Variants in FLNB observed in about 807,000 individuals in gnomAD.
FLNB encodes the protein filamin B.
FLNB carries 111 observed loss-of-function variants against 250.6 expected under a neutral mutation model. The observed-to-expected ratio is 0.44, with a 90% CI of 0.38 to 0.52. The LOEUF (loss-of-function observed/expected upper bound fraction) is 0.52. FLNB is among the 20% of genes least tolerant of loss of function. The pLI is 0.00. For synonymous variants in FLNB, 1,302 were observed against 1,372.1 expected (o/e 0.95, Z 1.13); for missense variants, 2,869 against 3,447.8 (o/e 0.83, Z 4.20).
intron 18 of FLNB, among the ~76,000 whole-genome samples, chr3:58,118,242 T>C (rs2097282389): frequency 6.6e-6 from 1 of 152,248 alleles, no homozygotes; most frequent in East Asian, 1.9e-4. Flanking sequence ...CACATGGAAA[T>C]GGAAGTTCAG....
chr3:58,078,234 C>T lies in FLNB; in HGVS notation c.542-483C>T, dbSNP rs839256. 2.0e-3 allele frequency: 2,649 copies of T among 1,336,614 alleles called. 55 individuals are homozygous for T. The African/African-American group carries it at 0.035, about 18-fold the overall frequency. 82.8% of individuals were successfully genotyped at this position (1,336,614 alleles called of 1,614,324 possible). A position where few individuals can be genotyped will look rare whatever the true frequency, so the allele number is the denominator to read the frequency against. On this transcript the variant is annotated intron_variant, in intron 2 of 45. Coordinates refer to ENST00000295956, the MANE Select transcript of FLNB (RefSeq NM_001457.4). The stretch of plus-strand genomic sequence containing the variant: ...GGACACATTTTAGGATACCTCTTTC[C>T]AATTTAAACCTGGGAGTTTTTACTC...
At position 58,121,482 on chromosome 3, in the gene FLNB, G is replaced by A. The variant is rs541935783; in HGVS notation, c.3105G>A (p.Ser1035=). 88 of 1,613,784 alleles carry A rather than the reference G, an allele frequency of 5.5e-5. No homozygotes were observed. The South Asian group carries it at 7.5e-4, about 14-fold the overall frequency. ...VPGSPYTVEA[S]LPPDPSKVKA... ...GGAGCCCCTACACAGTGGAGGCCTC[G>A]CTGCCACCAGATCCCAGCAAGGTCA... Residue 1035 remains serine (S), a synonymous_variant, in exon 20 of 46, where the codon TCG becomes TCA. Coordinates refer to ENST00000295956, the MANE Select transcript of FLNB (RefSeq NM_001457.4).
At chr3:58,092,128 C>CA (rs1010154527) in intron 4 of FLNB, among the ~76,000 whole-genome samples, 6 of 151,928 alleles carry the variant, frequency 3.9e-5, no homozygotes, top group South Asian at 2.1e-4. Flanking sequence ...GTCCATATGA[C>CA]AAAAAAACAC....
intron 1 of FLNB, among the ~76,000 whole-genome samples, chr3:58,018,439 A>T (rs571695676): frequency 1.4e-5 from 2 of 140,632 alleles, no homozygotes; most frequent in African/African-American, 5.4e-5. Flanking sequence ...GGTTCAAGTG[A>T]TTCTCATGCC....
At chr3:58,063,018 G>A (rs1474387458) in intron 1 of FLNB, among the ~76,000 whole-genome samples, 3 of 152,172 alleles carry the variant, frequency 2.0e-5, no homozygotes, top group Admixed American at 1.3e-4. Context: ...TCGTATCACC[G>A]CAGCCTGATG....
intron 1 of FLNB, among the ~76,000 whole-genome samples, chr3:58,009,839 G>A (rs941759985): frequency 1.3e-5 from 2 of 152,094 alleles, no homozygotes; most frequent in Admixed American, 6.6e-5. Context: ...TGCTGGACTG[G>A]GCCTTCTGGT....
rs140805461 is a variant in FLNB at position 58,014,511 on chromosome 3, G to A, written c.292+5655G>A. Among the ~76,000 whole-genome samples the A allele has an allele frequency of 9.7e-3, 1,483 of 152,330 alleles. 20 individuals are homozygous for A. Among genetic ancestry groups the A allele is most frequent in the African/African-American group, 0.032 (1,334 of 41,560 alleles). On this transcript the variant is annotated intron_variant, in intron 1 of 45. Coordinates refer to ENST00000295956, the MANE Select transcript of FLNB (RefSeq NM_001457.4). ...AGCATGCCAGTCGGCAGCCGCCTTCGTTCTTGGAGAGTCTGAGCTAAAGGA... is the reference window on the plus strand; with the variant it reads ...AGCATGCCAGTCGGCAGCCGCCTTCATTCTTGGAGAGTCTGAGCTAAAGGA...
chr3:58,134,531 C>T, intron 26 of FLNB, 85 bp from the exon 27 acceptor site: 8 of 1,499,196 alleles, frequency 5.3e-6, no homozygotes, highest in South Asian at 3.4e-5. Context: ...TTTTCCATCC[C>T]ACTCTTATGT....
intron 1 of FLNB, among the ~76,000 whole-genome samples, chr3:58,013,372 C>T (rs2097101654): frequency 1.3e-5 from 2 of 152,228 alleles, no homozygotes; most frequent in Non-Finnish European, 2.9e-5. Flanking sequence ...AGGCAGCTTC[C>T]AGGGTGGTGG....
intron 4 of FLNB, among the ~76,000 whole-genome samples, chr3:58,091,505 C>T (rs1320072280): frequency 6.6e-6 from 1 of 151,636 alleles, no homozygotes; most frequent in Non-Finnish European, 1.5e-5. Context: ...AAAAGCAAAC[C>T]CCAAACCAAA....
At chr3:58,159,486 A>G in intron 41 of FLNB, 68 bp from the exon 42 acceptor site, 1 of 1,511,092 alleles carries the variant, frequency 6.6e-7, no homozygotes, top group South Asian at 1.1e-5. Context: ...AGTTTTGGGT[A>G]GGGTCAGTGT....
intron 1 of FLNB, among the ~76,000 whole-genome samples, chr3:58,045,790 A>G (rs1222467039): frequency 3.3e-5 from 5 of 152,198 alleles, no homozygotes; most frequent in African/African-American, 1.2e-4. Context: ...ACTTGAAGTC[A>G]GGAGTTCAAG....
At chr3:58,022,325 G>C (rs2097115302) in intron 1 of FLNB, among the ~76,000 whole-genome samples, 1 of 152,198 alleles carries the variant, frequency 6.6e-6, no homozygotes, top group Non-Finnish European at 1.5e-5. Flanking sequence ...GCTGCCTTTA[G>C]TGAAGTGGGA....
At chr3:58,066,533 C>T (rs974317634) in intron 1 of FLNB, among the ~76,000 whole-genome samples, 5 of 152,158 alleles carry the variant, frequency 3.3e-5, no homozygotes, top group African/African-American at 1.2e-4. Flanking sequence ...TGTTTCCCTT[C>T]TTCGACCTTT....
chr3:58,134,578 C>G, intron 26 of FLNB, 38 bp from the exon 27 acceptor site: 1 of 1,612,874 alleles, frequency 6.2e-7, no homozygotes, highest in South Asian at 1.1e-5. Context: ...TGACATGTAT[C>G]TTTATTGACT....
intron 42 of FLNB, among the ~76,000 whole-genome samples, chr3:58,161,002 T>C (rs1057431353): frequency 3.3e-5 from 5 of 152,022 alleles, no homozygotes; most frequent in African/African-American, 7.3e-5. Flanking sequence ...GAAAAAGGAA[T>C]GTAGGCTCTG....
At chr3:58,025,556 T>C (rs1157499134) in intron 1 of FLNB, among the ~76,000 whole-genome samples, 1 of 152,210 alleles carries the variant, frequency 6.6e-6, no homozygotes, top group African/African-American at 2.4e-5. Context: ...GTCTTGGCTT[T>C]GCTGCTTTGT....
At position 58,110,153 on chromosome 3, in the gene FLNB, G is replaced by A; in HGVS notation, c.2467G>A (p.Val823Ile). 2 of 1,614,222 alleles carry A rather than the reference G, an allele frequency of 1.2e-6. No homozygotes were observed. The highest frequency in any genetic ancestry group is 1.3e-5 in the African/African-American group (1 of 75,040). ...TGCTGCTGGGCGATACACTATCAAA[G>A]TTCTCTTTGCATCTCAGGTACGTGG... ...PPAAGRYTIK[V>I]LFASQEIPAS... The change falls in exon 16 of 46, where the codon GTT (valine) becomes ATT (isoleucine). Residue 823 changes from valine to isoleucine, a missense_variant. By Grantham distance (29) the Val-to-Ile change is conservative. Coordinates refer to ENST00000295956, the MANE Select transcript of FLNB (RefSeq NM_001457.4).
chr3:58,159,463 A>C, intron 41 of FLNB, 91 bp from the exon 42 acceptor site: 1 of 1,306,410 alleles, frequency 7.7e-7, no homozygotes. Flanking sequence ...TTTGCATGAG[A>C]ACTGTCACCC....
Sources: allele counts gnomAD v4.1 joint callset (sites outside exome capture counted in the v4.1 genomes callset), GRCh38; gene constraint gnomAD v4.1.1; transcripts MANE v1.5; gene names NCBI Gene and HGNC (gene_info 2026-07-23, HGNC 2026-07-21).